ULK4: variants seen among roughly 807,000 people sequenced by gnomAD.
ULK4 encodes unc-51 like kinase 4.
A neutral mutation model predicts 160.6 loss-of-function variants in ULK4; 133 were observed. That is an observed-to-expected ratio of 0.83 (90% CI 0.72 to 0.96). The LOEUF (loss-of-function observed/expected upper bound fraction) is 0.96. ULK4 is among the 40% of genes least tolerant of loss of function. The pLI, the probability that ULK4 is intolerant of heterozygous loss-of-function variation, is 0.00. For missense variants in ULK4, 1,580 were observed against 1,499.5 expected, an observed-to-expected ratio of 1.05 and a Z score of -0.89; for synonymous variants, 534 against 539.8, an observed-to-expected ratio of 0.99 and a Z score of 0.15.
chr3:41,789,751 A>G lies in ULK4; in HGVS notation c.2103T>C (p.Ser701=), dbSNP rs1255003798. 8 of 1,613,776 alleles carry G rather than the reference A, an allele frequency of 5.0e-6. No homozygotes were observed. The highest frequency in any genetic ancestry group is 5.9e-6 in the Non-Finnish European group (7 of 1,179,880). The part of the protein sequence containing the change: ...GLNSVINSLA[S]AICKVQQYML... ...TGTACTGCTGAACTTTGCAGATGGC[A>G]GAGGCCAGGGAGTTTATTACTGAGT... The change falls in exon 21 of 37, where the codon TCT becomes TCC. Residue 701 remains serine (S), a synonymous_variant. Coordinates refer to ENST00000301831, the MANE Select transcript of ULK4 (RefSeq NM_017886.4).
intron 16 of ULK4, among the ~76,000 whole-genome samples, chr3:41,892,620 T>C (rs1304073162): frequency 2.6e-5 from 4 of 152,180 alleles, no homozygotes; most frequent in Admixed American, 2.6e-4. Flanking sequence ...TCTTTTAAAA[T>C]AAACGTAGAA....
intron 31 of ULK4, among the ~76,000 whole-genome samples, chr3:41,567,814 C>T (rs1368494964): frequency 1.3e-5 from 2 of 152,012 alleles, no homozygotes; most frequent in South Asian, 2.1e-4. Flanking sequence ...CTTGGTATCT[C>T]TTAATTGATT....
At chr3:41,706,861 G>A (rs980546971) in intron 25 of ULK4, among the ~76,000 whole-genome samples, 112 of 122,318 alleles carry the variant, frequency 9.2e-4, no homozygotes, top group African/African-American at 4.8e-3. Flanking sequence ...GTGTGTGTGT[G>A]TGTGTGTGTG....
intron 2 of ULK4, among the ~76,000 whole-genome samples, chr3:41,944,006 T>G (rs964624275): frequency 6.6e-6 from 1 of 152,174 alleles, no homozygotes; most frequent in African/African-American, 2.4e-5. Context: ...GAAAAAGATT[T>G]CCGCCCCTCC....
At chr3:41,267,035 A>G (rs1314354029) in intron 35 of ULK4, among the ~76,000 whole-genome samples, 45 of 121,044 alleles carry the variant, frequency 3.7e-4, no homozygotes, top group African/African-American at 4.4e-4. Context: ...GGGGGGTTTA[A>G]GGCTTTTTTT....
intron 34 of ULK4, among the ~76,000 whole-genome samples, chr3:41,408,665 A>C (rs183932092): frequency 6.6e-6 from 1 of 152,134 alleles, no homozygotes; most frequent in Non-Finnish European, 1.5e-5. Context: ...ACAACATTAC[A>C]AAGGAAGAGC....
intron 34 of ULK4, among the ~76,000 whole-genome samples, chr3:41,428,622 T>A (rs1013899409): frequency 3.9e-5 from 6 of 152,162 alleles, no homozygotes; most frequent in Admixed American, 3.3e-4. Context: ...ACCACACATC[T>A]ACAATCATCT....
At chr3:41,768,321 A>G (rs2039236976) in intron 21 of ULK4, among the ~76,000 whole-genome samples, 1 of 152,238 alleles carries the variant, frequency 6.6e-6, no homozygotes, top group Admixed American at 6.5e-5. Flanking sequence ...TCATAATTGT[A>G]GTAAATACTC....
At chr3:41,684,037 T>C (rs1353047533) in intron 27 of ULK4, among the ~76,000 whole-genome samples, 2 of 152,200 alleles carry the variant, frequency 1.3e-5, no homozygotes, top group Non-Finnish European at 1.5e-5. Context: ...GATTGCCCCA[T>C]GCAGACTGTT....
chr3:41,851,174 T>C (rs1350386868), intron 17 of ULK4, among the ~76,000 whole-genome samples: 1 of 152,184 alleles, frequency 6.6e-6, no homozygotes, highest in East Asian at 1.9e-4. Flanking sequence ...AGGGAATGCT[T>C]CCAGTTTTTG....
chr3:41,591,990 C>T (rs1575459659), intron 31 of ULK4, among the ~76,000 whole-genome samples: 1 of 152,212 alleles, frequency 6.6e-6, no homozygotes, highest in Non-Finnish European at 1.5e-5. Flanking sequence ...ATGGACAGAA[C>T]AGCATGTGGA....
At chr3:41,486,796 A>G (rs566575045) in intron 32 of ULK4, among the ~76,000 whole-genome samples, 1 of 152,274 alleles carries the variant, frequency 6.6e-6, no homozygotes, top group East Asian at 1.9e-4. Context: ...CTATTTTCAT[A>G]TACGATCTGG....
At chr3:41,889,186 T>C (rs934066007) in intron 16 of ULK4, among the ~76,000 whole-genome samples, 2 of 152,210 alleles carry the variant, frequency 1.3e-5, no homozygotes, top group African/African-American at 4.8e-5. Flanking sequence ...TCCAGGCTTA[T>C]ATTATATAAT....
At chr3:41,315,576 A>G (rs879865203) in intron 35 of ULK4, among the ~76,000 whole-genome samples, 2 of 152,228 alleles carry the variant, frequency 1.3e-5, no homozygotes, top group Admixed American at 6.5e-5. Flanking sequence ...AAAACTCAGT[A>G]AGAACAGTGT....
At chr3:41,316,205 C>CA (rs577207777) in intron 35 of ULK4, among the ~76,000 whole-genome samples, 14 of 151,902 alleles carry the variant, frequency 9.2e-5, no homozygotes, top group Admixed American at 1.3e-4. Context: ...TACTATTTGG[C>CA]AAAAAAAGAG....
At chr3:41,645,134 CA>C (rs1184064493) in intron 30 of ULK4, among the ~76,000 whole-genome samples, 2 of 151,862 alleles carry the variant, frequency 1.3e-5, no homozygotes, top group Non-Finnish European at 2.9e-5. Context: ...TTGATCTTTT[CA>C]AAAAACCAGC....
chr3:41,515,921 C>T (rs1186157543), intron 32 of ULK4, among the ~76,000 whole-genome samples: 1 of 152,162 alleles, frequency 6.6e-6, no homozygotes, highest in Non-Finnish European at 1.5e-5. Context: ...TTGATGAACA[C>T]TGTCTGAGAA....
At chr3:41,619,768 A>G (rs1439212611) in intron 30 of ULK4, among the ~76,000 whole-genome samples, 3 of 152,228 alleles carry the variant, frequency 2.0e-5, no homozygotes, top group Non-Finnish European at 4.4e-5. Context: ...AACTAAGATC[A>G]GAGCAGAACT....
At chr3:41,479,223 C>T (rs535005301) in intron 32 of ULK4, among the ~76,000 whole-genome samples, 87 of 152,330 alleles carry the variant, frequency 5.7e-4, no homozygotes, top group African/African-American at 2.0e-3. Flanking sequence ...TTTTTCCTCC[C>T]CTGTCATCTA....
Sources: allele counts gnomAD v4.1 joint callset (sites outside exome capture counted in the v4.1 genomes callset), GRCh38; gene constraint gnomAD v4.1.1; transcripts MANE v1.5; gene names NCBI Gene and HGNC (gene_info 2026-07-23, HGNC 2026-07-21).